The following PCDHA9 variants were observed in gnomAD, a reference collection of about 807,000 sequenced individuals.
PCDHA9 encodes protocadherin alpha-9.
PCDHA9 carries 62 observed loss-of-function variants against 62.0 expected under a neutral mutation model. The ratio of observed to expected loss-of-function variants is 1.00; its 90% confidence interval spans 0.81 to 1.23. PCDHA9 has a LOEUF of 1.23. Among genes scored for constraint, PCDHA9 ranks in the 50% most tolerant of loss-of-function variants. The pLI, the probability that PCDHA9 is intolerant of heterozygous loss-of-function variation, is 0.00. For missense variants in PCDHA9, 1,205 were observed against 1,249.8 expected (o/e 0.96, Z 0.54); for synonymous variants, 557 against 567.6 (o/e 0.98, Z 0.27).
rs782116961 is a variant in PCDHA9, at chr5:140,966,933, C to T, written c.2395-12016C>T. On this transcript the variant is annotated intron_variant, in intron 1 of 3. Transcript: ENST00000532602. ...GTGCCAGAGGAGCAGGCACCCGGCGCGCTCGTGGGCAACGTGGCTCGCGCG... is the reference window on the plus strand; with the variant it reads ...GTGCCAGAGGAGCAGGCACCCGGCGTGCTCGTGGGCAACGTGGCTCGCGCG... 2.5e-6 allele frequency: 4 copies of T among 1,603,904 alleles called. No individual in the cohort carries two copies. The highest frequency in any genetic ancestry group is 1.1e-5 in the South Asian group (1 of 90,778).
chr5:140,852,702 A>G, intron 1 of PCDHA9: 1 of 977,718 alleles, frequency 1.0e-6, no homozygotes, highest in Non-Finnish European at 1.2e-6. Context: ...ACTTTCAAGT[A>G]TCTTTGTCTT....
rs370676797 is a variant in PCDHA9, at chr5:141,009,968, A to G, written c.*31A>G. On this transcript the variant is annotated 3_prime_UTR_variant, in exon 4 of 4. Transcript: ENST00000532602. ...TCAAATGGAAACAAGCCACTTAGCC[A>G]GTTTTTGTAATAATGGCAAATCTCT... 1.4e-5 allele frequency: 22 copies of G among 1,586,626 alleles called. No homozygotes were observed. The highest frequency in any genetic ancestry group is 1.6e-5 in the Non-Finnish European group (19 of 1,169,786).
intron 3 of PCDHA9, among the ~76,000 whole-genome samples, chr5:140,984,282 C>T (rs543279467): frequency 6.6e-6 from 1 of 152,296 alleles, no homozygotes; most frequent in Admixed American, 6.5e-5. Flanking sequence ...ATACATTCTC[C>T]CTCCCATTGG....
intron 1 of PCDHA9, among the ~76,000 whole-genome samples, chr5:140,976,508 G>A (rs1039409709): frequency 6.6e-6 from 1 of 151,976 alleles, no homozygotes; most frequent in Non-Finnish European, 1.5e-5. Context: ...CCAAGATCGC[G>A]CCACTGCACA....
chr5:140,854,867 G>T (rs2043248640), intron 1 of PCDHA9, among the ~76,000 whole-genome samples: 1 of 149,650 alleles, frequency 6.7e-6, no homozygotes, highest in East Asian at 1.9e-4. Context: ...ATATATTTCA[G>T]AACTGTGTCT....
chr5:140,858,341 G>A, intron 1 of PCDHA9: 1 of 1,595,396 alleles, frequency 6.3e-7, no homozygotes, highest in Non-Finnish European at 8.6e-7. Context: ...CCTGCCCAAG[G>A]CGGACCTCAT....
At chr5:141,004,492 A>G (rs2098168083) in intron 3 of PCDHA9, among the ~76,000 whole-genome samples, 2 of 152,230 alleles carry the variant, frequency 1.3e-5, no homozygotes, top group South Asian at 2.1e-4. Context: ...AACTCTTGGC[A>G]GTCCTGCTGT....
intron 1 of PCDHA9, chr5:140,870,513 C>G: frequency 6.2e-7 from 1 of 1,614,254 alleles, no homozygotes; most frequent in Non-Finnish European, 8.5e-7. Flanking sequence ...ACCCACCAGG[C>G]TGCCACATCT....
chr5:140,961,929 G>C (rs1387333199), intron 1 of PCDHA9, among the ~76,000 whole-genome samples: 1 of 151,712 alleles, frequency 6.6e-6, no homozygotes, highest in Non-Finnish European at 1.5e-5. Context: ...TGTTGCCCAG[G>C]CTGGAGTGCA....
In PCDHA9 at chr5:141,009,694, A is replaced by G. The variant is rs782798367; in HGVS notation, c.2610A>G (p.Lys870=). The part of the protein sequence containing the change: ...AGVNSNSWTF[K]YGPGNPKQSG... ...TCAACAGCAACAGCTGGACCTTTAA[A>G]TACGGACCAGGCAACCCCAAACAAT... is the stretch of plus-strand genomic sequence containing the variant. The change falls in exon 4 of 4, where the codon AAA becomes AAG. Residue 870 remains lysine (K), a synonymous_variant. Transcript: ENST00000532602. 5 of 1,613,890 alleles carry G rather than the reference A, an allele frequency of 3.1e-6. No homozygotes were observed. In the Admixed American group the frequency reaches 6.7e-5, roughly 22 times the overall value.
chr5:140,913,450 T>G (rs2153526628), intron 1 of PCDHA9, among the ~76,000 whole-genome samples: 1 of 152,270 alleles, frequency 6.6e-6, no homozygotes, highest in Middle Eastern at 3.4e-3. Flanking sequence ...TCAGCTCCGA[T>G]TTTATTTACT....
intron 1 of PCDHA9, chr5:140,929,251 G>A (rs782590821): frequency 6.2e-7 from 1 of 1,613,534 alleles, no homozygotes; most frequent in South Asian, 1.1e-5. Flanking sequence ...TGCCACTGGG[G>A]TAGGACTGAA....
At chr5:140,924,895 AAAAAAAAAAATAAAAT>A (rs200266637) in intron 1 of PCDHA9, among the ~76,000 whole-genome samples, 43,424 of 132,064 alleles carry the variant, frequency 0.33, 6,815 homozygotes, top group East Asian at 0.57. Flanking sequence ...AACCTGTCTC[AAAAAAAAAAATAAAAT>A]AAAATAAAAT....
rs1051787265 is a variant in PCDHA9 at position 140,857,050 on chromosome 5, G to A, written c.2394+6161G>A. On this transcript the variant is annotated intron_variant, in intron 1 of 3. Transcript: ENST00000532602. ...ACCCACCTATGGTTGGTCACTGCAC[G>A]GTCCTAGTGGAACTACTGGATGAAA... is the stretch of plus-strand genomic sequence containing the variant. 1.3e-5 allele frequency: 20 copies of A among 1,595,508 alleles called. 1 individual carries two copies. The highest frequency in any genetic ancestry group is 1.7e-5 in the Non-Finnish European group (20 of 1,165,320).
intron 1 of PCDHA9, chr5:140,927,041 T>G (rs1242687827): frequency 9.9e-6 from 16 of 1,612,338 alleles, no homozygotes; most frequent in Non-Finnish European, 1.0e-5. Context: ...GCGGCCGCTA[T>G]GTCCTCGCGG....
intron 1 of PCDHA9, chr5:140,863,388 C>T: frequency 1.0e-6 from 1 of 1,000,142 alleles, no homozygotes; most frequent in Non-Finnish European, 1.5e-6. Context: ...AGAGCTCGTG[C>T]ATGCCGGGCA....
chr5:140,965,676 G>A (rs906070464), intron 1 of PCDHA9, among the ~76,000 whole-genome samples: 1 of 152,132 alleles, frequency 6.6e-6, no homozygotes, highest in African/African-American at 2.4e-5. Flanking sequence ...AAATGTAAAA[G>A]ATTTGAAGCA....
intron 1 of PCDHA9, chr5:140,967,338 A>G: frequency 3.7e-6 from 6 of 1,607,948 alleles, no homozygotes; most frequent in Non-Finnish European, 4.3e-6. Flanking sequence ...AGCCCCAGCG[A>G]GCACTTCGAG....
rs191873949 is a variant in PCDHA9 at position 140,855,986 on chromosome 5, G to T, written c.2394+5097G>T. On this transcript the variant is annotated intron_variant, in intron 1 of 3. Transcript: ENST00000532602. ...AGATATAAGAAATAGGACAGAAAATGTCAGATCGTATGTGCGTTCTAGACC... is the reference window on the plus strand; with the variant it reads ...AGATATAAGAAATAGGACAGAAAATTTCAGATCGTATGTGCGTTCTAGACC... The T allele has an allele frequency of 1.8e-5, 27 of 1,477,576 alleles. 1 individual carries two copies. Among genetic ancestry groups the T allele is most frequent in the South Asian group, 1.6e-4 (12 of 75,402 alleles). The allele number at this position is 1,477,576 out of a possible 1,614,324, so 91.5% of individuals were successfully genotyped here. A position where few individuals can be genotyped will look rare whatever the true frequency, so the allele number is the denominator to read the frequency against.
Sources: gnomAD v4.1 joint callset for allele counts (sites outside exome capture counted in the v4.1 genomes callset) on GRCh38, gnomAD v4.1.1 for gene constraint, MANE v1.5 for transcripts, NCBI Gene and HGNC (gene_info 2026-07-23, HGNC 2026-07-21) for gene names.